SAP30BP: variants seen among roughly 807,000 people sequenced by gnomAD.
SAP30BP encodes the protein SAP30 binding protein.
Under a neutral mutation model 46.3 loss-of-function variants are expected in SAP30BP, and 31 were observed. That is an observed-to-expected ratio of 0.67 (90% CI 0.50 to 0.90). SAP30BP has a LOEUF of 0.90. Among genes scored for constraint, SAP30BP ranks in the 40% least tolerant of loss-of-function variants. SAP30BP has a pLI of 0.00. For synonymous variants in SAP30BP, 169 were observed against 144.2 expected, an observed-to-expected ratio of 1.17 and a Z score of -1.23; for missense variants, 312 against 391.0, an observed-to-expected ratio of 0.80 and a Z score of 1.70.
intron 9 of SAP30BP, chr17:75,705,583 C>G: frequency 9.8e-7 from 1 of 1,021,680 alleles, no homozygotes; most frequent in Non-Finnish European, 1.2e-6. Flanking sequence ...TCCCTTCTCT[C>G]TCTTTCCCTC....
rs573222461 is a variant in SAP30BP, at chr17:75,673,179, G to A, written c.264+1316G>A. ...CGTTGTGAGTGAGAAAGATAAGAGT[G>A]TGTTTTACCAGGAAAGAAAGTTTTG... On this transcript the variant is annotated intron_variant, in intron 3 of 10. Coordinates refer to ENST00000584667, the MANE Select transcript of SAP30BP (RefSeq NM_013260.8). Among the ~76,000 whole-genome samples the A allele has an allele frequency of 5.9e-5, 9 of 152,216 alleles. No homozygotes were observed. The South Asian group carries it at 1.9e-3, about 32-fold the overall frequency.
In SAP30BP at chr17:75,670,620, A is replaced by C. The variant is rs562019212; in HGVS notation, c.217-1196A>C. 2.6e-5 allele frequency among the ~76,000 whole-genome samples: 4 copies of C among 152,300 alleles called. 1 individual carries two copies. The South Asian group carries it at 8.3e-4, about 32-fold the overall frequency. On this transcript the variant is annotated intron_variant, in intron 2 of 10. Coordinates refer to ENST00000584667, the MANE Select transcript of SAP30BP (RefSeq NM_013260.8). ...TTAAGCTTCATTTCATATTTTAGTA[A>C]AATCCTCTCATCAGATCTTGTTGTA...
intron 2 of SAP30BP, among the ~76,000 whole-genome samples, 160 bp from the exon 3 acceptor site, chr17:75,671,656 T>A (rs2059909434): frequency 6.6e-6 from 1 of 152,158 alleles, no homozygotes; most frequent in Non-Finnish European, 1.5e-5. Context: ...CTTTTTCCCC[T>A]TATTTTTCTC....
In SAP30BP at chr17:75,668,846, A is replaced by G. The variant is rs1399464058; in HGVS notation, c.216+221A>G. On this transcript the variant is annotated intron_variant, in intron 2 of 10. Coordinates refer to ENST00000584667, the MANE Select transcript of SAP30BP (RefSeq NM_013260.8). Reference sequence around the variant, plus strand: ...TAATCTTTGAATTGAAATTTGGGGGAAAAGATAGTGGATTATTTTATTTAA... The same window carrying G: ...TAATCTTTGAATTGAAATTTGGGGGGAAAGATAGTGGATTATTTTATTTAA... 3.9e-5 allele frequency among the ~76,000 whole-genome samples: 6 copies of G among 152,290 alleles called. No homozygotes were observed. In the East Asian group the frequency reaches 9.6e-4, roughly 24 times the overall value.
At position 75,668,604 on chromosome 17, in the gene SAP30BP, A is replaced by T. The variant is rs761159237; in HGVS notation, c.195A>T (p.Glu65Asp). 7 of 1,597,460 alleles carry T rather than the reference A, an allele frequency of 4.4e-6. No individual in the cohort carries two copies. The highest frequency in any genetic ancestry group is 3.4e-5 in the South Asian group (3 of 89,102). ...GGDEDGYEEE[E>D]DENSRQSEDD... ...ATGAAGATGGTTATGAAGAAGAAGA[A>T]GATGAGAACAGTAGACAGTCGGTAG... The change falls in exon 2 of 11, where the codon GAA becomes GAT. Residue 65 changes from glutamate (E) to aspartate (D), a missense_variant. Coordinates refer to ENST00000584667, the MANE Select transcript of SAP30BP (RefSeq NM_013260.8).
chr17:75,687,139 G>A (rs964751165), intron 3 of SAP30BP, among the ~76,000 whole-genome samples: 4 of 152,320 alleles, frequency 2.6e-5, no homozygotes, highest in South Asian at 2.1e-4. Context: ...TAATTGAAGA[G>A]CTTAGCATAA....
Position 75,706,302 on chromosome 17 carries a change from T to G in SAP30BP, c.746-38T>G. 6.3e-7 allele frequency: 1 copy of G among 1,599,008 alleles called. No individual in the cohort carries two copies. The highest frequency in any genetic ancestry group is 2.2e-5 in the East Asian group (1 of 44,810). On this transcript the variant is annotated intron_variant, in intron 10 of 10. Coordinates refer to ENST00000584667, the MANE Select transcript of SAP30BP (RefSeq NM_013260.8). The surrounding 1 kb of genome is among the most constrained non-coding windows in gnomAD (Gnocchi z 4.6). ...GGGAAGGGAAAGAGGGCACCGCTCA[T>G]TGGTGGATCGTGATCCTGATTTCTG...
Position 75,671,796 on chromosome 17 carries a change from C to G in SAP30BP, c.217-20C>G, listed in dbSNP as rs373932077. ...GGCCCGCTCCTTTAAGCTTAATCCTCTAAATTCTTTGTCTTGTAGGAAGAT... is the reference window on the plus strand; with the variant it reads ...GGCCCGCTCCTTTAAGCTTAATCCTGTAAATTCTTTGTCTTGTAGGAAGAT... On this transcript the variant is annotated intron_variant, in intron 2 of 10. Transcript: ENST00000584667. 3.4e-5 allele frequency: 54 copies of G among 1,608,572 alleles called. No individual in the cohort carries two copies. The African/African-American group carries it at 7.2e-4, about 21-fold the overall frequency.
intron 3 of SAP30BP, among the ~76,000 whole-genome samples, chr17:75,676,553 A>G (rs969613914): frequency 2.0e-5 from 3 of 152,230 alleles, no homozygotes; most frequent in African/African-American, 7.2e-5. Context: ...GGTCTTGAGA[A>G]AATGTCTGCC....
chr17:75,678,867 C>A (rs1035988827), intron 3 of SAP30BP, among the ~76,000 whole-genome samples: 1 of 152,140 alleles, frequency 6.6e-6, no homozygotes, highest in Non-Finnish European at 1.5e-5. Flanking sequence ...CCTGAAGCCG[C>A]GCGCAGAATT....
intron 8 of SAP30BP, 93 bp downstream of exon 8, chr17:75,703,952 G>A: frequency 1.1e-6 from 1 of 950,994 alleles, no homozygotes; most frequent in Non-Finnish European, 1.7e-6. Context: ...ACATATTTCA[G>A]GGTCTACTCT....
At chr17:75,697,875 A>G (rs1013084204) in intron 4 of SAP30BP, among the ~76,000 whole-genome samples, 1 of 152,174 alleles carries the variant, frequency 6.6e-6, no homozygotes. Context: ...TTAACCCAGC[A>G]TGGGGAGAGG....
chr17:75,691,412 T>G, intron 3 of SAP30BP: 4 of 456,576 alleles, frequency 8.8e-6, no homozygotes, highest in African/African-American at 2.0e-5. Flanking sequence ...CTCAACAACC[T>G]CAGCTGAGCC....
chr17:75,696,367 T>C (rs1225592409), intron 4 of SAP30BP, among the ~76,000 whole-genome samples: 2 of 129,424 alleles, frequency 1.5e-5, no homozygotes, highest in Non-Finnish European at 3.3e-5. Context: ...ACCCCATTTC[T>C]ACTAAAAATC....
intron 8 of SAP30BP, 105 bp from the exon 9 acceptor site, chr17:75,704,651 T>A: frequency 1.2e-6 from 1 of 856,750 alleles, no homozygotes; most frequent in East Asian, 2.5e-5. Context: ...ACTGAGCCCA[T>A]GAAGGCCTTT....
chr17:75,675,783 G>A (rs1012204819), intron 3 of SAP30BP, among the ~76,000 whole-genome samples: 5 of 152,012 alleles, frequency 3.3e-5, no homozygotes, highest in Admixed American at 6.6e-5. Flanking sequence ...CGGGTGTGGC[G>A]GCGCATGCCT....
At chr17:75,675,568 G>GT (rs2059977974) in intron 3 of SAP30BP, among the ~76,000 whole-genome samples, 2 of 151,946 alleles carry the variant, frequency 1.3e-5, no homozygotes, top group Admixed American at 1.3e-4. Flanking sequence ...ATCTATTGAT[G>GT]TTTACTATTT....
In SAP30BP at chr17:75,694,649, G is replaced by A. The variant is rs60938340; in HGVS notation, c.307+1167G>A. ...GGCCCAAGGGGGCGATCCACGGGTC[G>A]GGCGTGGACGGGAGCCTTGGCCTCT... On this transcript the variant is annotated intron_variant, in intron 4 of 10. Transcript: ENST00000584667. Among the ~76,000 whole-genome samples, 27 of 152,302 alleles carry A rather than the reference G, an allele frequency of 1.8e-4. No individual in the cohort carries two copies. The East Asian group carries it at 3.9e-3, about 22-fold the overall frequency.
chr17:75,705,075 G>A (rs1315065717), intron 9 of SAP30BP: 1 of 460,968 alleles, frequency 2.2e-6, no homozygotes, highest in Admixed American at 3.4e-5. Context: ...GCCTTGGGGG[G>A]CTTTGTCCGT....
Sources: allele counts gnomAD v4.1 joint callset (sites outside exome capture counted in the v4.1 genomes callset), GRCh38; gene constraint gnomAD v4.1.1; non-coding constraint Gnocchi (gnomAD v3.1); transcripts MANE v1.5; gene names NCBI Gene and HGNC (gene_info 2026-07-23, HGNC 2026-07-21).